Variants in ANKRD28 observed in about 807,000 individuals in gnomAD.
ANKRD28 encodes the protein serine/threonine-protein phosphatase 6 regulatory ankyrin repeat subunit A.
ANKRD28 carries 44 observed loss-of-function variants against 126.5 expected under a neutral mutation model. The ratio of observed to expected loss-of-function variants is 0.35; its 90% CI spans 0.27 to 0.45. The LOEUF (loss-of-function observed/expected upper bound fraction) is 0.45, where lower values mean the gene tolerates loss of function less well. ANKRD28 is among the 20% of genes least tolerant of loss of function. ANKRD28 has a pLI of 1.00. For missense variants in ANKRD28, 1,110 were observed against 1,316.6 expected, an observed-to-expected ratio of 0.84 and a Z score of 2.43; for synonymous variants, 442 against 468.5, an observed-to-expected ratio of 0.94 and a Z score of 0.73.
chr3:15,732,333 T>C (rs567807563), intron 6 of ANKRD28: 4 of 152,434 alleles, frequency 2.6e-5, no homozygotes, highest in Admixed American at 2.6e-4. Flanking sequence ...AGCAGAGGCA[T>C]ACATACACAG....
chr3:15,752,916 C>G (rs2057944841), intron 3 of ANKRD28, among the ~76,000 whole-genome samples: 1 of 152,098 alleles, frequency 6.6e-6, no homozygotes, highest in Non-Finnish European at 1.5e-5. Context: ...AGTTTCTTCA[C>G]AAAGATTAAC....
At chr3:15,825,465 G>A (rs561796152) in intron 1 of ANKRD28, among the ~76,000 whole-genome samples, 4 of 152,092 alleles carry the variant, frequency 2.6e-5, no homozygotes, top group Non-Finnish European at 5.9e-5. Flanking sequence ...CGGGGCGGTG[G>A]GGGAGGAAGG....
chr3:15,735,316 C>T lies in ANKRD28; in HGVS notation c.640+94G>A. ...CAGATACTGTGTAGCTTTTCAGTAC[C>T]CTTAAAGACAAATGCTATACAAACA... On this transcript the variant is annotated intron_variant, in intron 6 of 27. Coordinates refer to ENST00000683139, the MANE Select transcript of ANKRD28 (RefSeq NM_001349278.2). 4 of 1,033,744 alleles carry T rather than the reference C, an allele frequency of 3.9e-6. No homozygotes were observed. In the East Asian group the frequency reaches 8.2e-5, roughly 21 times the overall value. The allele number at this position is 1,033,744 out of a possible 1,614,324, so 64.0% of individuals were successfully genotyped here. A position where few individuals can be genotyped will look rare whatever the true frequency, so the allele number is the denominator to read the frequency against.
At chr3:15,818,043 A>T (rs1013582180) in intron 1 of ANKRD28, among the ~76,000 whole-genome samples, 2 of 152,190 alleles carry the variant, frequency 1.3e-5, no homozygotes, top group Non-Finnish European at 2.9e-5. Context: ...GTATAAATTC[A>T]ACAAAATATG....
chr3:15,755,821 A>G (rs1282311667), intron 3 of ANKRD28, among the ~76,000 whole-genome samples: 1 of 152,246 alleles, frequency 6.6e-6, no homozygotes, highest in Non-Finnish European at 1.5e-5. Context: ...TAATTTCTTT[A>G]CTATTTCCTA....
At chr3:15,740,647 T>G (rs916629479) in intron 4 of ANKRD28, among the ~76,000 whole-genome samples, 1 of 152,192 alleles carries the variant, frequency 6.6e-6, no homozygotes, top group African/African-American at 2.4e-5. Context: ...CCTTATCCAC[T>G]CCCATTTTGG....
In ANKRD28 at chr3:15,841,958, A is replaced by T. The variant is rs141361875; in HGVS notation, c.27+17419T>A. Among the ~76,000 whole-genome samples the T allele has an allele frequency of 4.4e-3, 662 of 151,912 alleles. 8 individuals are homozygous for T. The highest frequency in any genetic ancestry group is 0.014 in the African/African-American group (587 of 41,504). The stretch of plus-strand genomic sequence containing the variant: ...TATAACCCAAAGAAAGGAAATCAGT[A>T]TATTGAAGAGATATCTGCACTCCCA... On this transcript the variant is annotated intron_variant, in intron 1 of 27. Coordinates refer to the ANKRD28 transcript ENST00000399451.
rs1404836251 is a variant in ANKRD28 at position 15,713,594 on chromosome 3, T to C, written c.1123A>G (p.Ile375Val). The C allele has an allele frequency of 5.6e-6, 9 of 1,610,644 alleles. No homozygotes were observed. The highest frequency in any genetic ancestry group is 1.7e-4 in the Middle Eastern group (1 of 6,044). ...AGCTCATGGCCATACCGTGCTGCTA[T>C]GTGCAAAGGGGTATTTCCATTCTTA... The part of the protein sequence containing the change: ...EDKNGNTPLH[I>V]AARYGHELLI... Residue 375 changes from isoleucine to valine, a missense_variant, in exon 10 of 28, where the codon ATA (isoleucine) becomes GTA (valine). Physicochemically the swap from Ile to Val is conservative, Grantham distance 29 (BLOSUM62 3). Coordinates refer to ENST00000683139, the MANE Select transcript of ANKRD28 (RefSeq NM_001349278.2).
chr3:15,724,473 C>T lies in ANKRD28; in HGVS notation c.692G>A (p.Cys231Tyr). ...AGGTGTATAAGACTTTTTATCCTTG[C>T]ATGTCACTTCAGCTCCATGCGACAC... ...LLVSHGAEVTCKDKKSYTPLH... is the reference protein window; with the variant it reads ...LLVSHGAEVTYKDKKSYTPLH... Residue 231 changes from cysteine (C) to tyrosine (Y), a missense_variant, in exon 7 of 28, where the codon TGC becomes TAC. Cys to Tyr is a radical substitution (Grantham distance 194). Transcript: ENST00000683139. 6.3e-7 allele frequency: 1 copy of T among 1,594,438 alleles called. No individual in the cohort carries two copies. Among genetic ancestry groups the T allele is most frequent in the African/African-American group, 1.3e-5 (1 of 74,768 alleles).
At chr3:15,795,565 T>C (rs935847480) in intron 1 of ANKRD28, among the ~76,000 whole-genome samples, 1 of 152,166 alleles carries the variant, frequency 6.6e-6, no homozygotes, top group African/African-American at 2.4e-5. Flanking sequence ...TTTTATTTCT[T>C]GTAAGTAGAA....
At chr3:15,847,413 C>T (rs1057303642) in intron 1 of ANKRD28, among the ~76,000 whole-genome samples, 1 of 152,154 alleles carries the variant, frequency 6.6e-6, no homozygotes, top group Non-Finnish European at 1.5e-5. Flanking sequence ...CTCTGCTGGG[C>T]CATGAGCTTT....
chr3:15,673,776 G>T (rs2066623308), intron 27 of ANKRD28, among the ~76,000 whole-genome samples: 1 of 152,156 alleles, frequency 6.6e-6, no homozygotes, highest in African/African-American at 2.4e-5. Context: ...CACAATGCAT[G>T]TATAACCCTG....
At chr3:15,762,997 C>G (rs1431916816) in intron 3 of ANKRD28, among the ~76,000 whole-genome samples, 4 of 152,224 alleles carry the variant, frequency 2.6e-5, no homozygotes, top group Admixed American at 2.6e-4. Context: ...GTGACATTCA[C>G]ACTATCTGTA....
At chr3:15,735,770 G>C (rs1167176350) in intron 5 of ANKRD28, among the ~76,000 whole-genome samples, 1 of 152,130 alleles carries the variant, frequency 6.6e-6, no homozygotes, top group East Asian at 1.9e-4. Context: ...TACAAATCTG[G>C]AAAGTCTAAG....
chr3:15,823,813 CATT>C (rs1559575393), intron 1 of ANKRD28, among the ~76,000 whole-genome samples: 1 of 152,118 alleles, frequency 6.6e-6, no homozygotes, highest in Non-Finnish European at 1.5e-5. Flanking sequence ...GGAATAAAAA[CATT>C]ATAATCTCAA....
Position 15,680,775 on chromosome 3 carries a change from C to CAA in ANKRD28, c.2390-1213_2390-1212insTT, listed in dbSNP as rs1216028211. ...CAACCTCCTGGGCTCAAGTGATCCT[C>CAA]CCACCTCAGCCTCCTGAGTTGCTAA... On this transcript the variant is annotated intron_variant, in intron 21 of 27. Transcript: ENST00000683139. Among the ~76,000 whole-genome samples, 1,050 of 152,182 alleles carry CAA rather than the reference C, an allele frequency of 6.9e-3. 13 individuals are homozygous for CAA. The highest frequency in any genetic ancestry group is 0.024 in the African/African-American group (1,004 of 41,504).
chr3:15,682,524 T>C (rs377280061), intron 21 of ANKRD28, among the ~76,000 whole-genome samples: 3 of 152,224 alleles, frequency 2.0e-5, no homozygotes, highest in African/African-American at 7.2e-5. Context: ...TAGAGCTTCA[T>C]AAAAATGAAC....
upstream of ANKRD28, among the ~76,000 whole-genome samples, chr3:15,801,218 A>G (rs2060459035): frequency 6.6e-6 from 1 of 152,168 alleles, no homozygotes. This position sits in a 1 kb window ranked among gnomAD's most constrained non-coding sequence, Gnocchi z 4.9. Flanking sequence ...CCTACTATTA[A>G]TGGAATCACA....
chr3:15,699,697 G>A (rs934974480), intron 14 of ANKRD28, among the ~76,000 whole-genome samples: 12 of 152,140 alleles, frequency 7.9e-5, no homozygotes, highest in South Asian at 2.1e-4. Context: ...ACTATCTCAC[G>A]CCAGTTAGAA....
Sources: allele counts gnomAD v4.1 joint callset (sites outside exome capture counted in the v4.1 genomes callset), GRCh38; gene constraint gnomAD v4.1.1; non-coding constraint Gnocchi (gnomAD v3.1); transcripts MANE v1.5; gene names NCBI Gene and HGNC (gene_info 2026-07-23, HGNC 2026-07-21).